Variants in SNTG1 observed in about 807,000 individuals in gnomAD.
SNTG1 encodes gamma-1-syntrophin.
Under a neutral mutation model 74.7 loss-of-function variants are expected in SNTG1, and 39 were observed. The observed-to-expected ratio is 0.52, with a 90% CI of 0.40 to 0.68. SNTG1 has a LOEUF of 0.68. SNTG1 is among the 30% of genes least tolerant of loss of function. The pLI, the probability that SNTG1 is intolerant of heterozygous loss-of-function variation, is 0.00. For missense variants in SNTG1, 685 were observed against 609.5 expected, an observed-to-expected ratio of 1.12 and a Z score of -1.30; for synonymous variants, 254 against 217.1, an observed-to-expected ratio of 1.17 and a Z score of -1.49.
intron 2 of SNTG1, among the ~76,000 whole-genome samples, chr8:50,196,416 A>G (rs2083770385): frequency 6.6e-6 from 1 of 152,166 alleles, no homozygotes; most frequent in South Asian, 2.1e-4. Context: ...ATAAATTTAG[A>G]ATATTTGTAG....
intron 13 of SNTG1, among the ~76,000 whole-genome samples, chr8:50,627,501 C>T (rs578120988): frequency 5.3e-5 from 8 of 152,244 alleles, no homozygotes; most frequent in African/African-American, 1.9e-4. Flanking sequence ...ATAAACTTTC[C>T]AGCCTTTAGA....
At chr8:50,348,312 G>A (rs1372672601) in intron 2 of SNTG1, among the ~76,000 whole-genome samples, 2 of 152,148 alleles carry the variant, frequency 1.3e-5, no homozygotes, top group East Asian at 1.9e-4. Flanking sequence ...GAATGTGAAG[G>A]TAGGATCCCA....
At chr8:50,753,972 G>A (rs1456120713) in intron 18 of SNTG1, among the ~76,000 whole-genome samples, 1 of 151,916 alleles carries the variant, frequency 6.6e-6, no homozygotes, top group Admixed American at 6.6e-5. Context: ...CAATCAGAAT[G>A]TTGGCCAGCC....
chr8:50,145,981 A>G (rs1420866297), intron 1 of SNTG1, among the ~76,000 whole-genome samples: 2 of 151,882 alleles, frequency 1.3e-5, no homozygotes, highest in South Asian at 4.1e-4. Flanking sequence ...ATAAAAAAAA[A>G]AAGAATGTTA....
intron 10 of SNTG1, among the ~76,000 whole-genome samples, chr8:50,532,106 C>T (rs529132285): frequency 6.6e-6 from 1 of 152,248 alleles, no homozygotes. Flanking sequence ...AGCTATGTCT[C>T]CCCATTTCCA....
At chr8:50,188,624 T>C (rs1439350276) in intron 2 of SNTG1, among the ~76,000 whole-genome samples, 1 of 152,124 alleles carries the variant, frequency 6.6e-6, no homozygotes. Context: ...GTAACTTTCC[T>C]ATTCCTTCAA....
chr8:50,302,671 C>T (rs962994208), intron 2 of SNTG1, among the ~76,000 whole-genome samples: 2 of 151,978 alleles, frequency 1.3e-5, no homozygotes, highest in African/African-American at 2.4e-5. Context: ...TCCTGAGAAG[C>T]GATTAAGTTT....
intron 2 of SNTG1, among the ~76,000 whole-genome samples, chr8:50,284,078 C>T (rs1189459137): frequency 3.9e-5 from 6 of 152,070 alleles, no homozygotes; most frequent in Non-Finnish European, 5.9e-5. Context: ...ATTTATTCAT[C>T]TTGTCTGTAA....
At chr8:50,201,559 A>T (rs1215881018) in intron 2 of SNTG1, among the ~76,000 whole-genome samples, 1 of 151,920 alleles carries the variant, frequency 6.6e-6, no homozygotes, top group Non-Finnish European at 1.5e-5. Context: ...GCTGCGTGAC[A>T]CTCCATGATC....
At chr8:49,951,015 G>A (rs1809650302) in intron 1 of SNTG1, among the ~76,000 whole-genome samples, 1 of 152,068 alleles carries the variant, frequency 6.6e-6, no homozygotes, top group African/African-American at 2.4e-5. Context: ...TTGTTCATTG[G>A]TTATTCATAA....
At chr8:50,548,105 T>C (rs1370624437) in intron 11 of SNTG1, among the ~76,000 whole-genome samples, 1 of 152,220 alleles carries the variant, frequency 6.6e-6, no homozygotes, top group African/African-American at 2.4e-5. Flanking sequence ...GGTGCTTCTT[T>C]GCACAATTTA....
At chr8:50,171,162 G>C (rs1341328674) in intron 1 of SNTG1, among the ~76,000 whole-genome samples, 10 of 152,080 alleles carry the variant, frequency 6.6e-5, no homozygotes, top group Admixed American at 6.5e-4. Context: ...AGAATCTGGG[G>C]GCCATCTGTA....
At chr8:50,391,977 C>A (rs1409883388) in intron 2 of SNTG1, among the ~76,000 whole-genome samples, 1 of 152,086 alleles carries the variant, frequency 6.6e-6, no homozygotes, top group African/African-American at 2.4e-5. Flanking sequence ...TAAGCAAAGT[C>A]TGAGAAACAG....
chr8:50,251,350 T>G (rs1335444990), intron 2 of SNTG1, among the ~76,000 whole-genome samples: 1 of 151,888 alleles, frequency 6.6e-6, no homozygotes, highest in African/African-American at 2.4e-5. Context: ...AAGAAATCGT[T>G]AACAAACTTG....
chr8:50,567,013 G>A (rs1309117720), intron 12 of SNTG1, among the ~76,000 whole-genome samples: 1 of 151,990 alleles, frequency 6.6e-6, no homozygotes, highest in African/African-American at 2.4e-5. Context: ...TCAATAAATG[G>A]CAGCCTCTAT....
chr8:50,493,624 T>C (rs999864008), intron 8 of SNTG1, among the ~76,000 whole-genome samples: 5 of 152,022 alleles, frequency 3.3e-5, no homozygotes, highest in African/African-American at 1.2e-4. Context: ...TTTATAAATC[T>C]ACTGTACAAA....
intron 17 of SNTG1, among the ~76,000 whole-genome samples, chr8:50,738,093 C>T (rs1051633573): frequency 3.3e-5 from 5 of 152,024 alleles, no homozygotes; most frequent in South Asian, 2.1e-4. Flanking sequence ...AAAGGATATT[C>T]ACATAAGAAA....
chr8:49,960,352 A>G (rs1398931527), intron 1 of SNTG1, among the ~76,000 whole-genome samples: 1 of 152,218 alleles, frequency 6.6e-6, no homozygotes, highest in Non-Finnish European at 1.5e-5. Context: ...TAATAAATCA[A>G]GAGTCAAGAT....
chr8:50,354,314 T>C (rs2131024114), intron 2 of SNTG1, among the ~76,000 whole-genome samples: 1 of 152,330 alleles, frequency 6.6e-6, no homozygotes. Context: ...AACTAAAGCA[T>C]GGTCAATCTT....
Sources: allele counts gnomAD v4.1 joint callset (sites outside exome capture counted in the v4.1 genomes callset), GRCh38; gene constraint gnomAD v4.1.1; transcripts MANE v1.5; gene names NCBI Gene and HGNC (gene_info 2026-07-23, HGNC 2026-07-21).